The following PSMA8 variants were observed in gnomAD, a reference collection of about 807,000 sequenced individuals.
PSMA8 encodes proteasome subunit alpha-type 8.
PSMA8 carries 18 observed loss-of-function variants against 32.4 expected under a neutral mutation model. That is an observed-to-expected ratio of 0.56 (90% CI 0.38 to 0.82). The LOEUF is 0.82. Among genes scored for constraint, PSMA8 ranks in the 40% least tolerant of loss-of-function variants. The pLI, the probability that PSMA8 is intolerant of heterozygous loss-of-function variation, is 0.00. For synonymous variants in PSMA8, 104 were observed against 98.1 expected, an observed-to-expected ratio of 1.06 and a Z score of -0.36; for missense variants, 298 against 300.7, an observed-to-expected ratio of 0.99 and a Z score of 0.07.
chr18:26,185,318 A>G (rs2055344480), intron 6 of PSMA8, among the ~76,000 whole-genome samples: 1 of 150,546 alleles, frequency 6.6e-6, no homozygotes, highest in Admixed American at 6.6e-5. Context: ...GAAAGTATAA[A>G]CCTGCTCCAG....
At chr18:26,190,155 G>T (rs894533600) in intron 6 of PSMA8, among the ~76,000 whole-genome samples, 3 of 152,070 alleles carry the variant, frequency 2.0e-5, no homozygotes, top group South Asian at 2.1e-4. Flanking sequence ...GAAGGGTAGT[G>T]GGGGGCAGGG....
At chr18:26,146,817 A>G (rs1440725351) in intron 2 of PSMA8, among the ~76,000 whole-genome samples, 2 of 152,086 alleles carry the variant, frequency 1.3e-5, no homozygotes, top group African/African-American at 4.8e-5. Flanking sequence ...CAACAACAAA[A>G]CAGAAATACC....
chr18:26,158,347 T>G, intron 4 of PSMA8, 103 bp downstream of exon 4: 4 of 943,536 alleles, frequency 4.2e-6, no homozygotes, highest in Non-Finnish European at 6.3e-6. Context: ...GCATTAAATA[T>G]TGATATTGGT....
At chr18:26,147,373 A>G (rs2055012498) in intron 2 of PSMA8, among the ~76,000 whole-genome samples, 1 of 152,182 alleles carries the variant, frequency 6.6e-6, no homozygotes, top group Admixed American at 6.5e-5. Flanking sequence ...AATGAAAAAA[A>G]TCACAAGGGA....
At chr18:26,164,961 A>C (rs1028201587) in intron 4 of PSMA8, among the ~76,000 whole-genome samples, 2 of 152,078 alleles carry the variant, frequency 1.3e-5, no homozygotes, top group African/African-American at 2.4e-5. Context: ...TCTGTCACCC[A>C]GGCTGGAGTG....
At chr18:26,139,484 T>G (rs1391111779) in intron 1 of PSMA8, among the ~76,000 whole-genome samples, 1 of 152,200 alleles carries the variant, frequency 6.6e-6, no homozygotes, top group Non-Finnish European at 1.5e-5. Flanking sequence ...TCCCGATTCC[T>G]GAACAGAGAC....
Position 26,192,420 on chromosome 18 carries a change from A to T in PSMA8, c.*9A>T. 1 of 1,523,618 alleles carries T rather than the reference A, an allele frequency of 6.6e-7. No individual in the cohort carries two copies. The highest frequency in any genetic ancestry group is 8.7e-7 in the Non-Finnish European group (1 of 1,148,288). 94.4% of individuals were successfully genotyped at this position (1,523,618 alleles called of 1,614,324 possible). On this transcript the variant is annotated 3_prime_UTR_variant, in exon 7 of 7. Coordinates refer to ENST00000415576, the MANE Select transcript of PSMA8 (RefSeq NM_001025096.2). ...CAAAGAAATCTGTCTAATTCTTAGGATGACCACTGGGAGGTCTTAATGTTT... is the reference window on the plus strand; with the variant it reads ...CAAAGAAATCTGTCTAATTCTTAGGTTGACCACTGGGAGGTCTTAATGTTT...
intron 3 of PSMA8, among the ~76,000 whole-genome samples, chr18:26,153,887 T>A (rs1386112049): frequency 6.6e-6 from 1 of 152,120 alleles, no homozygotes; most frequent in Non-Finnish European, 1.5e-5. Flanking sequence ...TTTTACCATT[T>A]GTTTTATTTT....
intron 1 of PSMA8, among the ~76,000 whole-genome samples, chr18:26,143,354 A>T (rs745529701): frequency 6.6e-5 from 10 of 152,166 alleles, no homozygotes; most frequent in Non-Finnish European, 7.4e-5. Flanking sequence ...AGCAAAGCCT[A>T]TGATGGAATG....
chr18:26,139,343 CCAA>C (rs1046657334), intron 1 of PSMA8, among the ~76,000 whole-genome samples: 16 of 152,220 alleles, frequency 1.1e-4, no homozygotes, highest in Admixed American at 7.8e-4. Flanking sequence ...CTGAATCTTG[CCAA>C]CAACAATGCG....
At chr18:26,140,859 C>A (rs534963795) in intron 1 of PSMA8, among the ~76,000 whole-genome samples, 1 of 152,210 alleles carries the variant, frequency 6.6e-6, no homozygotes, top group Non-Finnish European at 1.5e-5. Context: ...AGGATTAGTT[C>A]TTTTCTGAAA....
chr18:26,167,394 A>C (rs1314725204), intron 4 of PSMA8, among the ~76,000 whole-genome samples: 2 of 152,240 alleles, frequency 1.3e-5, no homozygotes, highest in African/African-American at 4.8e-5. Context: ...TATTGTAGAC[A>C]GGAAGTATAT....
intron 4 of PSMA8, among the ~76,000 whole-genome samples, chr18:26,160,626 A>G (rs1347559582): frequency 6.6e-6 from 1 of 152,186 alleles, no homozygotes; most frequent in Non-Finnish European, 1.5e-5. Context: ...AACCTGATAA[A>G]TGTTGCAATG....
intron 4 of PSMA8, 101 bp from the exon 5 acceptor site, chr18:26,178,729 A>C: frequency 2.0e-6 from 2 of 982,758 alleles, no homozygotes; most frequent in Non-Finnish European, 3.0e-6. Context: ...TAATTTTATT[A>C]AGGTATACTG....
rs1425564732 is a variant in PSMA8 at position 26,188,490 on chromosome 18, AT to A, written c.661-3828del. Among the ~76,000 whole-genome samples the A allele has an allele frequency of 3.3e-5, 5 of 152,254 alleles. No homozygotes were observed. The East Asian group carries it at 5.8e-4, about 18-fold the overall frequency. On this transcript the variant is annotated intron_variant, in intron 6 of 6. Transcript: ENST00000415576. ...ATTCTTCACAGAAATATAAAAAAAAATCATAAAATCTATATAAAAACCTCAA... is the reference window on the plus strand; with the variant it reads ...ATTCTTCACAGAAATATAAAAAAAAACATAAAATCTATATAAAAACCTCAA...
rs1555662071 is a variant in PSMA8, at chr18:26,163,213, G to GTATGTATATATA, written c.477+4972_477+4973insGTATATATATAT. On this transcript the variant is annotated intron_variant, in intron 4 of 6. Coordinates refer to ENST00000415576, the MANE Select transcript of PSMA8 (RefSeq NM_001025096.2). ...AGGTGGTGTGTGTTTATGTGTGTGT[G>GTATGTATATATA]TATATATATATATATATATATATAT... Among the ~76,000 whole-genome samples, 36 of 80,888 alleles carry GTATGTATATATA rather than the reference G, an allele frequency of 4.5e-4. 2 individuals carry two copies. The highest frequency in any genetic ancestry group is 1.9e-3 in the African/African-American group (36 of 19,372). The allele number at this position is 80,888 out of a possible 152,430, so 53.1% of individuals were successfully genotyped here. A position where few individuals can be genotyped will look rare whatever the true frequency, so the allele number is the denominator to read the frequency against.
intron 4 of PSMA8, among the ~76,000 whole-genome samples, chr18:26,163,251 AT>A (rs1568062734): frequency 4.6e-5 from 4 of 87,772 alleles, no homozygotes; most frequent in African/African-American, 1.8e-4. Context: ...ATATATATAT[AT>A]ATATATATAT....
At chr18:26,163,529 C>A (rs1203706482) in intron 4 of PSMA8, among the ~76,000 whole-genome samples, 1 of 152,092 alleles carries the variant, frequency 6.6e-6, no homozygotes, top group Non-Finnish European at 1.5e-5. Context: ...ACAGGCTAAG[C>A]ATCTATAATC....
chr18:26,155,616 C>T (rs1464904419), intron 3 of PSMA8, among the ~76,000 whole-genome samples: 4 of 152,122 alleles, frequency 2.6e-5, no homozygotes, highest in Admixed American at 2.6e-4. Flanking sequence ...GAAATGAAAC[C>T]TCTGTCTCTC....
Sources: allele counts gnomAD v4.1 joint callset (sites outside exome capture counted in the v4.1 genomes callset), GRCh38; gene constraint gnomAD v4.1.1; transcripts MANE v1.5; gene names NCBI Gene and HGNC (gene_info 2026-07-23, HGNC 2026-07-21).